SH2D4A: variants seen among roughly 807,000 people sequenced by gnomAD.
SH2D4A encodes SH2 domain-containing protein 4A.
SH2D4A carries 70 observed loss-of-function variants against 64.7 expected under a neutral mutation model. The observed-to-expected ratio is 1.08, with a 90% CI of 0.89 to 1.32. The LOEUF (loss-of-function observed/expected upper bound fraction) is 1.32, where lower values mean the gene tolerates loss of function less well. Among genes scored for constraint, SH2D4A ranks in the 40% most tolerant of loss-of-function variants. The pLI, the probability that SH2D4A is intolerant of heterozygous loss-of-function variation, is 0.00. For synonymous variants in SH2D4A, 268 were observed against 200.7 expected (o/e 1.34, Z -2.83); for missense variants, 706 against 540.1 (o/e 1.31, Z -3.04).
intron 2 of SH2D4A, among the ~76,000 whole-genome samples, chr8:19,325,790 A>T (rs1443072580): frequency 6.6e-6 from 1 of 152,246 alleles, no homozygotes; most frequent in Non-Finnish European, 1.5e-5. Context: ...TTTGATATTA[A>T]TAACTTCAGG....
At position 19,334,867 on chromosome 8, in the gene SH2D4A, T is replaced by C; in HGVS notation, c.513+10T>C. On this transcript the variant is annotated intron_variant, in intron 4 of 9. Transcript: ENST00000265807. ...AGAAGAGAAAATCCGAGTGAGTCCT[T>C]ACTGTCTGTAGACGTGCGGAATTTC... 1 of 1,600,776 alleles carries C rather than the reference T, an allele frequency of 6.2e-7. No individual in the cohort carries two copies. The highest frequency in any genetic ancestry group is 1.4e-5 in the African/African-American group (1 of 74,050).
At chr8:19,357,736 C>T (rs2052815729) in intron 5 of SH2D4A, among the ~76,000 whole-genome samples, 1 of 152,192 alleles carries the variant, frequency 6.6e-6, no homozygotes, top group African/African-American at 2.4e-5. Context: ...TCAGCCCTCT[C>T]TCACGTCCAT....
At chr8:19,342,460 T>G (rs1413682808) in intron 4 of SH2D4A, among the ~76,000 whole-genome samples, 2 of 152,230 alleles carry the variant, frequency 1.3e-5, no homozygotes, top group African/African-American at 4.8e-5. Context: ...TGGATGCTAT[T>G]TGGTGAAACG....
chr8:19,369,002 C>A (rs1027553982), intron 7 of SH2D4A, among the ~76,000 whole-genome samples: 2 of 152,074 alleles, frequency 1.3e-5, no homozygotes, highest in African/African-American at 2.4e-5. Context: ...GAGGTACATT[C>A]CTTCTGTACT....
intron 5 of SH2D4A, among the ~76,000 whole-genome samples, chr8:19,360,220 C>T (rs1308439515): frequency 6.6e-6 from 1 of 151,634 alleles, no homozygotes; most frequent in Non-Finnish European, 1.5e-5. Context: ...AAACCTAATT[C>T]TCCTTTTAAA....
intron 2 of SH2D4A, among the ~76,000 whole-genome samples, chr8:19,325,744 A>T (rs1206066288): frequency 6.6e-6 from 1 of 152,198 alleles, no homozygotes; most frequent in Non-Finnish European, 1.5e-5. Flanking sequence ...ATCTCTAAAT[A>T]AGCATAAAAA....
chr8:19,366,764 C>G (rs191936194), intron 7 of SH2D4A, among the ~76,000 whole-genome samples: 1 of 152,298 alleles, frequency 6.6e-6, no homozygotes, highest in African/African-American at 2.4e-5. Flanking sequence ...TGCACTCCAG[C>G]CTGGATGACA....
Position 19,361,249 on chromosome 8 carries a change from TAGA to T in SH2D4A, c.648_650del (p.Glu217del), listed in dbSNP as rs753161914. 1.4e-4 allele frequency: 230 copies of T among 1,605,060 alleles called. No individual in the cohort carries two copies. Among genetic ancestry groups the T allele is most frequent in the Admixed American group, 5.1e-5 (3 of 59,260 alleles). On this transcript the variant is annotated inframe_deletion, in exon 6 of 10. Transcript: ENST00000265807. Reference sequence around the variant, plus strand: ...AAACAAGATGAAGAAATAAATCAAATAGAAGAAGAGAGAACGAAGCAGATTTGT... The same window carrying T: ...AAACAAGATGAAGAAATAAATCAAATAGAAGAGAGAACGAAGCAGATTTGT...
intron 2 of SH2D4A, among the ~76,000 whole-genome samples, chr8:19,329,218 C>T (rs921323236): frequency 6.6e-5 from 10 of 152,142 alleles, no homozygotes; most frequent in Non-Finnish European, 1.0e-4. Context: ...AAGAACTTGT[C>T]GTATTTCTCT....
At chr8:19,321,771 G>A (rs948868662) in intron 2 of SH2D4A, among the ~76,000 whole-genome samples, 1 of 152,274 alleles carries the variant, frequency 6.6e-6, no homozygotes, top group Non-Finnish European at 1.5e-5. Flanking sequence ...ATATATTAGT[G>A]TGATGGGGTG....
chr8:19,339,493 T>TCC (rs1563191368), intron 4 of SH2D4A, among the ~76,000 whole-genome samples: 1 of 49,996 alleles, frequency 2.0e-5, no homozygotes, highest in African/African-American at 6.4e-5. Context: ...CCTATAAACT[T>TCC]TCTTTTTTTT....
chr8:19,321,039 A>T (rs1280319856), intron 2 of SH2D4A, among the ~76,000 whole-genome samples: 1 of 152,202 alleles, frequency 6.6e-6, no homozygotes, highest in African/African-American at 2.4e-5. Context: ...AAACAGAAAT[A>T]TGTCATTTCC....
chr8:19,333,963 A>G (rs549761021), intron 3 of SH2D4A, among the ~76,000 whole-genome samples: 1 of 152,290 alleles, frequency 6.6e-6, no homozygotes, highest in East Asian at 1.9e-4. Context: ...CAGAGGCCAG[A>G]TTTAGGAGTT....
At chr8:19,363,649 G>A (rs1247008031) in intron 6 of SH2D4A, among the ~76,000 whole-genome samples, 1 of 152,102 alleles carries the variant, frequency 6.6e-6, no homozygotes. Flanking sequence ...CCTGATCTCT[G>A]CTAGTGAGTC....
In SH2D4A at chr8:19,319,423, C is replaced by A; in HGVS notation, c.-125C>A. On this transcript the variant is annotated 5_prime_UTR_variant, in exon 2 of 10. Coordinates refer to ENST00000265807, the MANE Select transcript of SH2D4A (RefSeq NM_022071.4). ...TTTGCTGAATTATTGTCCCAGTCAGCCAGGATTGTGAGCTGTTTGGGAAGT... is the reference window on the plus strand; with the variant it reads ...TTTGCTGAATTATTGTCCCAGTCAGACAGGATTGTGAGCTGTTTGGGAAGT... 17 of 1,314,640 alleles carry A rather than the reference C, an allele frequency of 1.3e-5. No homozygotes were observed. The highest frequency in any genetic ancestry group is 1.6e-5 in the Non-Finnish European group (16 of 1,028,444). 81.4% of individuals were successfully genotyped at this position (1,314,640 alleles called of 1,614,324 possible).
chr8:19,326,081 T>C (rs758130632), intron 2 of SH2D4A, among the ~76,000 whole-genome samples: 2 of 152,242 alleles, frequency 1.3e-5, no homozygotes, highest in Non-Finnish European at 2.9e-5. Context: ...TTGGACTGTA[T>C]GAGGTAAGCT....
intron 2 of SH2D4A, among the ~76,000 whole-genome samples, chr8:19,330,298 G>T (rs2052349506): frequency 6.6e-6 from 1 of 152,120 alleles, no homozygotes; most frequent in African/African-American, 2.4e-5. Context: ...AGCTCCTCCA[G>T]TATCCCCACT....
intron 2 of SH2D4A, among the ~76,000 whole-genome samples, chr8:19,327,809 G>A (rs772283846): frequency 1.3e-5 from 2 of 152,068 alleles, no homozygotes; most frequent in East Asian, 1.9e-4. Context: ...CACAATAAAC[G>A]CCAGAGCACA....
intron 8 of SH2D4A, among the ~76,000 whole-genome samples, chr8:19,386,977 T>A (rs2053403939): frequency 6.6e-6 from 1 of 151,464 alleles, no homozygotes; most frequent in Non-Finnish European, 1.5e-5. Flanking sequence ...AGAGATGGGG[T>A]CTTGCCAAGC....
Sources: gnomAD v4.1 joint callset for allele counts (sites outside exome capture counted in the v4.1 genomes callset) on GRCh38, gnomAD v4.1.1 for gene constraint, MANE v1.5 for transcripts, NCBI Gene and HGNC (gene_info 2026-07-23, HGNC 2026-07-21) for gene names.